Variants in FLCN observed in about 807,000 individuals in gnomAD.
The protein encoded by FLCN is folliculin.
Under a neutral mutation model 62.5 loss-of-function variants are expected in FLCN, and 22 were observed. That is an observed-to-expected ratio of 0.35 (90% CI 0.25 to 0.50). The LOEUF is 0.50. Ranked by LOEUF, FLCN falls within the 20% of genes least tolerant of loss-of-function variation. FLCN has a pLI of 0.97. For synonymous variants in FLCN, 319 were observed against 310.0 expected, an observed-to-expected ratio of 1.03 and a Z score of -0.30; for missense variants, 657 against 778.0, an observed-to-expected ratio of 0.84 and a Z score of 1.85.
intron 5 of FLCN, 71 bp from the exon 6 acceptor site, chr17:17,224,214 G>T: frequency 7.2e-7 from 1 of 1,389,248 alleles, no homozygotes; most frequent in Non-Finnish European, 1.0e-6. Context: ...CTCTTCTTCA[G>T]ACTTTTCAGA....
chr17:17,231,652 G>T (rs1238715725), intron 3 of FLCN, 142 bp downstream of exon 3: 1 of 152,308 alleles, frequency 6.6e-6, no homozygotes, highest in East Asian at 1.9e-4. Context: ...ACACAAACAA[G>T]GCATGGCCTG....
intron 5 of FLCN, chr17:17,225,126 G>A (rs1010007600): frequency 2.6e-5 from 4 of 152,252 alleles, no homozygotes; most frequent in Admixed American, 2.6e-4. Context: ...AACAGCAGCA[G>A]CGACGTAGTT....
chr17:17,219,126 C>CTTCTGTACTCTCTGGCAACACAGGGGCT lies in FLCN; in HGVS notation c.927_954dup (p.Gly319SerfsTer80), dbSNP rs398124542. 6.2e-7 allele frequency: 1 copy of CTTCTGTACTCTCTGGCAACACAGGGGCT among 1,614,244 alleles called. No homozygotes were observed. The highest frequency in any genetic ancestry group is 8.5e-7 in the Non-Finnish European group (1 of 1,180,054). On this transcript the variant is annotated frameshift_variant, in exon 9 of 14. Coordinates refer to ENST00000285071, the MANE Select transcript of FLCN (RefSeq NM_144997.7). LOFTEE classifies it high-confidence loss of function. ...GCCGGGCCCTGGGTCAGCTCCCGCC[C>CTTCTGTACTCTCTGGCAACACAGGGGCT]TTCTGTACTCTCTGGCAACACAGGG... is the stretch of plus-strand genomic sequence containing the variant.
At chr17:17,225,851 A>G (rs2047229703) in intron 5 of FLCN, 2 of 416,018 alleles carry the variant, frequency 4.8e-6, no homozygotes. Flanking sequence ...ACTGCACTCC[A>G]GTCTGGACGA....
chr17:17,231,076 T>A (rs1373502516), intron 3 of FLCN, among the ~76,000 whole-genome samples: 1 of 152,046 alleles, frequency 6.6e-6, no homozygotes, highest in Non-Finnish European at 1.5e-5. Flanking sequence ...GGCGCACACC[T>A]GTAGTCCCAG....
Position 17,228,024 on chromosome 17 carries a change from A to G in FLCN, c.114T>C (p.Ser38=), listed in dbSNP as rs2145046699. The change falls in exon 4 of 14, where the codon AGT becomes AGC. Residue 38 remains serine, a synonymous_variant. Coordinates refer to ENST00000285071, the MANE Select transcript of FLCN (RefSeq NM_144997.7). ...CTTCCGCCTGCTCACCCTGGCCAGG[A>G]CTGTCCTCATTCCCATCCCCTTGAG... ...PLPQGDGNED[S]PGQGEQAEEE... 1 of 1,613,916 alleles carries G rather than the reference A, an allele frequency of 6.2e-7. No homozygotes were observed. Among genetic ancestry groups the G allele is most frequent in the East Asian group, 2.2e-5 (1 of 44,888 alleles).
In FLCN at chr17:17,221,373, C is replaced by G. The variant is rs1388394506; in HGVS notation, c.871+164G>C. 5 of 1,607,524 alleles carry G rather than the reference C, an allele frequency of 3.1e-6. No homozygotes were observed. The African/African-American group carries it at 6.7e-5, about 22-fold the overall frequency. On this transcript the variant is annotated intron_variant, in intron 8 of 13. Transcript: ENST00000285071. Reference sequence around the variant, plus strand: ...ACGAGACAGGAAATCACAACAATCACAACAATCACACCGAGATCGGAGGGT... The same window carrying G: ...ACGAGACAGGAAATCACAACAATCAGAACAATCACACCGAGATCGGAGGGT...
rs763920904 is a variant in FLCN at position 17,215,263 on chromosome 17, C to T, written c.1354G>A (p.Val452Met). ...AGAGACTGGTCATCCTCACACCCCA[C>T]AGGGTGGAGGGTGGAACGTGCGGCT... ...HAAARSTLHP[V>M]GCEDDQSLSK... The change falls in exon 12 of 14, where the codon GTG becomes ATG. Residue 452 changes from valine to methionine, a missense_variant. By Grantham distance (21) the Val-to-Met change is conservative (BLOSUM62 1). Transcript: ENST00000285071. 3 of 1,614,200 alleles carry T rather than the reference C, an allele frequency of 1.9e-6. No homozygotes were observed. Among genetic ancestry groups the T allele is most frequent in the East Asian group, 2.2e-5 (1 of 44,872 alleles).
intron 3 of FLCN, among the ~76,000 whole-genome samples, chr17:17,229,943 AC>A (rs1376841013): frequency 9.2e-5 from 14 of 152,210 alleles, no homozygotes; most frequent in Non-Finnish European, 1.2e-4. Flanking sequence ...TCTGAGGGAC[AC>A]CAAGCACTCA....
intron 1 of FLCN, among the ~76,000 whole-genome samples, chr17:17,235,260 ATAAGAG>A (rs1050751208): frequency 6.6e-6 from 1 of 152,176 alleles, no homozygotes; most frequent in African/African-American, 2.4e-5. Flanking sequence ...AGCCTGGGCA[ATAAGAG>A]TAAAACTCCA....
chr17:17,212,357 G>A lies in FLCN; in HGVS notation c.*1298C>T, dbSNP rs558869941. On this transcript the variant is annotated 3_prime_UTR_variant, in exon 14 of 14. Coordinates refer to ENST00000285071, the MANE Select transcript of FLCN (RefSeq NM_144997.7). ...CCATCAGAAAATCCCTCTGAGCCAT[G>A]AATCCTTATTAAAAATGTATAGTGG... 1.7e-5 allele frequency: 3 copies of A among 175,270 alleles called. No individual in the cohort carries two copies. In the East Asian group the frequency reaches 2.9e-4, roughly 17 times the overall value. 10.9% of individuals were successfully genotyped at this position (175,270 alleles called of 1,614,324 possible). A position where few individuals can be genotyped will look rare whatever the true frequency, so the allele number is the denominator to read the frequency against.
intron 7 of FLCN, 37 bp from the exon 8 acceptor site, chr17:17,221,665 A>G: frequency 6.3e-7 from 1 of 1,595,562 alleles, no homozygotes; most frequent in Non-Finnish European, 8.5e-7. Context: ...CGTTCTCGCC[A>G]AAGGAAAAAG....
chr17:17,218,931 A>T (rs2144891430), intron 9 of FLCN, 88 bp downstream of exon 9: 1 of 1,461,434 alleles, frequency 6.8e-7, no homozygotes, highest in African/African-American at 1.4e-5. Context: ...TTGAAGGTGG[A>T]GGGTCCAGAG....
At chr17:17,227,760 A>T in intron 4 of FLCN, 129 bp downstream of exon 4, 1 of 1,315,378 alleles carries the variant, frequency 7.6e-7, no homozygotes, top group Non-Finnish European at 1.1e-6. Context: ...GGATGAGCGG[A>T]AAGAACTGAA....
chr17:17,221,228 G>A, intron 8 of FLCN: 2 of 1,533,194 alleles, frequency 1.3e-6, no homozygotes, highest in Non-Finnish European at 1.8e-6. Context: ...CCAAGCACTT[G>A]GCTATCACAA....
In FLCN at chr17:17,222,558, A is replaced by G. The variant is rs1329575684; in HGVS notation, c.722T>C (p.Leu241Pro). 6.2e-7 allele frequency: 1 copy of G among 1,614,256 alleles called. No homozygotes were observed. The highest frequency in any genetic ancestry group is 1.7e-5 in the Admixed American group (1 of 60,036). The part of the protein sequence containing the change: ...HQRNGNAARS[L>P]TSLTSDDNLW... The stretch of plus-strand genomic sequence containing the variant: ...GTTGTCATCACTTGTCAGCGATGTC[A>G]GCGAGCGGGCGGCGTTGCCGTTCCT... Residue 241 changes from leucine to proline, a missense_variant, in exon 7 of 14, where the codon CTG (leucine) becomes CCG (proline). By Grantham distance (98) the Leu-to-Pro change is moderately conservative. Transcript: ENST00000285071.
chr17:17,230,712 C>G (rs1416771400), intron 3 of FLCN, among the ~76,000 whole-genome samples: 1 of 133,962 alleles, frequency 7.5e-6, no homozygotes, highest in Non-Finnish European at 1.6e-5. Flanking sequence ...TATGACAGGG[C>G]GAGACTCCAT....
At chr17:17,233,441 CA>C (rs1408070342) in intron 1 of FLCN, among the ~76,000 whole-genome samples, 1 of 150,924 alleles carries the variant, frequency 6.6e-6, no homozygotes, top group South Asian at 2.1e-4. Flanking sequence ...ACTAAAAATA[CA>C]AAAAAAATCA....
Position 17,216,886 on chromosome 17 carries a change from C to G in FLCN, c.1176+183G>C. 2 of 662,930 alleles carry G rather than the reference C, an allele frequency of 3.0e-6. No individual in the cohort carries two copies. Among genetic ancestry groups the G allele is most frequent in the East Asian group, 2.7e-5 (1 of 36,714 alleles). 41.1% of individuals were successfully genotyped at this position (662,930 alleles called of 1,614,324 possible). A position where few individuals can be genotyped will look rare whatever the true frequency, so the allele number is the denominator to read the frequency against. On this transcript the variant is annotated intron_variant, in intron 10 of 13. Transcript: ENST00000285071. This position sits in a 1 kb window ranked among gnomAD's most constrained non-coding sequence, Gnocchi z 4.0. ...GCAGTCAGCAGGCACACGCATCCTT[C>G]TGATGATTTAAACATCATCAGACCA...
Sources: gnomAD v4.1 joint callset for allele counts (sites outside exome capture counted in the v4.1 genomes callset) on GRCh38, gnomAD v4.1.1 for gene constraint, Gnocchi (gnomAD v3.1) non-coding constraint, MANE v1.5 for transcripts, NCBI Gene and HGNC (gene_info 2026-07-23, HGNC 2026-07-21) for gene names.